The following KCTD16 variants were observed in gnomAD, a reference collection of about 807,000 sequenced individuals.
The protein encoded by KCTD16 is BTB/POZ domain-containing protein KCTD16.
In KCTD16, 13 loss-of-function variants were observed where a neutral mutation model predicts 33.2. The observed-to-expected ratio is 0.39, with a 90% CI of 0.25 to 0.62. The LOEUF (loss-of-function observed/expected upper bound fraction) is 0.62. Ranked by LOEUF, KCTD16 falls within the 20% of genes least tolerant of loss-of-function variation. The pLI is 0.50. For synonymous variants in KCTD16, 197 were observed against 195.3 expected (o/e 1.01, Z -0.07); for missense variants, 441 against 525.1 (o/e 0.84, Z 1.57).
intron 3 of KCTD16, among the ~76,000 whole-genome samples, chr5:144,438,147 C>T (rs1045325158): frequency 2.6e-5 from 4 of 152,086 alleles, no homozygotes; most frequent in African/African-American, 9.7e-5. Context: ...TACTAGAAAA[C>T]TTAAAATTAG....
At chr5:144,358,671 A>G (rs911316217) in intron 3 of KCTD16, among the ~76,000 whole-genome samples, 2 of 152,142 alleles carry the variant, frequency 1.3e-5, no homozygotes, top group African/African-American at 2.4e-5. Flanking sequence ...ATAAATGCAT[A>G]AATTAATTTC....
At chr5:144,332,122 A>C (rs577282610) in intron 3 of KCTD16, among the ~76,000 whole-genome samples, 1 of 152,190 alleles carries the variant, frequency 6.6e-6, no homozygotes, top group Non-Finnish European at 1.5e-5. Flanking sequence ...ATGACAAAAG[A>C]GGAGTAAAAT....
chr5:144,453,675 C>A (rs1753997334), intron 3 of KCTD16, among the ~76,000 whole-genome samples: 1 of 152,044 alleles, frequency 6.6e-6, no homozygotes, highest in Non-Finnish European at 1.5e-5. Context: ...ATTAACTATT[C>A]AGCATTGAGT....
intron 3 of KCTD16, among the ~76,000 whole-genome samples, chr5:144,351,612 T>C (rs1200733681): frequency 6.6e-6 from 1 of 152,188 alleles, no homozygotes; most frequent in African/African-American, 2.4e-5. Flanking sequence ...CCCATGTTTA[T>C]TGTAGCACTA....
At chr5:144,293,489 G>A (rs1755951490) in intron 3 of KCTD16, among the ~76,000 whole-genome samples, 1 of 152,046 alleles carries the variant, frequency 6.6e-6, no homozygotes, top group Non-Finnish European at 1.5e-5. Context: ...TTATAAAAAT[G>A]CACTTTTTAT....
At position 144,475,230 on chromosome 5, in the gene KCTD16, C is replaced by T. The variant is rs1473866513; in HGVS notation, c.*1116C>T. 1 of 152,188 alleles carries T rather than the reference C, an allele frequency of 6.6e-6. No individual in the cohort carries two copies. The highest frequency in any genetic ancestry group is 1.5e-5 in the Non-Finnish European group (1 of 68,042). The allele number at this position is 152,188 out of a possible 1,614,324, so 9.4% of individuals were successfully genotyped here. On this transcript the variant is annotated 3_prime_UTR_variant, in exon 4 of 4. Coordinates refer to ENST00000512467, the MANE Select transcript of KCTD16 (RefSeq NM_020768.4). ...AGAGAAAGTTGTATTCCACACACAA[C>T]CTAATAATTTCTTATAAAAATTTTA...
chr5:144,205,262 C>T, intron 2 of KCTD16: 1 of 320,054 alleles, frequency 3.1e-6, no homozygotes. Context: ...CCCGTGCAGT[C>T]CTGGCAACCT....
rs548433552 is a variant in KCTD16, at chr5:144,226,014, T to C, written c.832+18468T>C. Among the ~76,000 whole-genome samples, 17 of 152,284 alleles carry C rather than the reference T, an allele frequency of 1.1e-4. No individual in the cohort carries two copies. In the South Asian group the frequency reaches 3.3e-3, roughly 30 times the overall value. On this transcript the variant is annotated intron_variant, in intron 3 of 3. Coordinates refer to ENST00000512467, the MANE Select transcript of KCTD16 (RefSeq NM_020768.4). The stretch of plus-strand genomic sequence containing the variant: ...TTTTTCTTCTGAATCTTGATGAAAA[T>C]CCTAAAACCCTAGAGACAGGGAAGT...
intron 3 of KCTD16, among the ~76,000 whole-genome samples, chr5:144,308,080 A>G (rs1168932841): frequency 6.6e-6 from 1 of 152,164 alleles, no homozygotes; most frequent in Non-Finnish European, 1.5e-5. Context: ...TGTACCTATT[A>G]GTTTGAAGGA....
At chr5:144,221,029 G>A (rs1276057097) in intron 3 of KCTD16, among the ~76,000 whole-genome samples, 1 of 152,186 alleles carries the variant, frequency 6.6e-6, no homozygotes, top group African/African-American at 2.4e-5. Context: ...ATGTGGACAG[G>A]AGTGGGCAAA....
intron 3 of KCTD16, among the ~76,000 whole-genome samples, chr5:144,237,199 C>T (rs1417778669): frequency 1.3e-5 from 2 of 152,038 alleles, no homozygotes; most frequent in African/African-American, 4.8e-5. Flanking sequence ...CCTCTATTTG[C>T]TCTTAACCTA....
rs147895261 is a variant in KCTD16 at position 144,465,189 on chromosome 5, CTCTCTCT to C, written c.833-8470_833-8464del. On this transcript the variant is annotated intron_variant, in intron 3 of 3. Coordinates refer to ENST00000512467, the MANE Select transcript of KCTD16 (RefSeq NM_020768.4). ...CATACATAGTCTCTCTCTCCCCCCC[CTCTCTCT>C]CTCACTCTCTCTCTCTCTCTTTCTC... Among the ~76,000 whole-genome samples, 27 of 113,104 alleles carry C rather than the reference CTCTCTCT, an allele frequency of 2.4e-4. 1 individual carries two copies. Among genetic ancestry groups the C allele is most frequent in the Non-Finnish European group, 3.6e-4 (20 of 55,196 alleles). 74.2% of individuals were successfully genotyped at this position (113,104 alleles called of 152,430 possible).
chr5:144,410,403 CATG>C (rs1172040408), intron 3 of KCTD16, among the ~76,000 whole-genome samples: 1 of 152,150 alleles, frequency 6.6e-6, no homozygotes, highest in Non-Finnish European at 1.5e-5. Flanking sequence ...ATTTGACTTT[CATG>C]ATAATGTCCT....
chr5:144,296,758 TA>T (rs974076016), intron 3 of KCTD16, among the ~76,000 whole-genome samples: 25 of 151,134 alleles, frequency 1.7e-4, no homozygotes, highest in East Asian at 5.8e-4. Context: ...AAGTCAAGGT[TA>T]AAAAAAAATA....
At chr5:144,451,071 C>T (rs1199505309) in intron 3 of KCTD16, among the ~76,000 whole-genome samples, 1 of 152,038 alleles carries the variant, frequency 6.6e-6, no homozygotes, top group East Asian at 1.9e-4. Flanking sequence ...GTTAAATATG[C>T]ACAGCTGCTT....
intron 3 of KCTD16, among the ~76,000 whole-genome samples, chr5:144,444,592 A>T (rs769853326): frequency 4.6e-5 from 7 of 151,980 alleles, no homozygotes; most frequent in Non-Finnish European, 8.8e-5. Context: ...CCCTTTATAC[A>T]TGTGAGTTTT....
At chr5:144,430,476 T>A (rs1210180937) in intron 3 of KCTD16, among the ~76,000 whole-genome samples, 1 of 152,118 alleles carries the variant, frequency 6.6e-6, no homozygotes, top group East Asian at 1.9e-4. Context: ...TGACACCAAC[T>A]TGCTATGTGG....
At chr5:144,287,559 G>A (rs1755778940) in intron 3 of KCTD16, among the ~76,000 whole-genome samples, 1 of 152,174 alleles carries the variant, frequency 6.6e-6, no homozygotes, top group East Asian at 1.9e-4. Context: ...GCAGTTGGTT[G>A]TCAGGTTCTA....
At chr5:144,315,042 T>C (rs1482543117) in intron 3 of KCTD16, among the ~76,000 whole-genome samples, 1 of 152,222 alleles carries the variant, frequency 6.6e-6, no homozygotes, top group Admixed American at 6.6e-5. Context: ...TTGTCCTTTA[T>C]TGGACTAATT....
Sources: gnomAD v4.1 joint callset for allele counts (sites outside exome capture counted in the v4.1 genomes callset) on GRCh38, gnomAD v4.1.1 for gene constraint, MANE v1.5 for transcripts, NCBI Gene and HGNC (gene_info 2026-07-23, HGNC 2026-07-21) for gene names.